Variants in SH2D3C observed in about 807,000 individuals in gnomAD.
SH2D3C encodes SH2 domain-containing protein 3C.
In SH2D3C, 25 loss-of-function variants were observed where a neutral mutation model predicts 75.2. The ratio of observed to expected loss-of-function variants is 0.33; its 90% CI spans 0.24 to 0.46. The LOEUF is 0.46. Among genes scored for constraint, SH2D3C ranks in the 20% least tolerant of loss-of-function variants. SH2D3C has a pLI of 1.00. For missense variants in SH2D3C, 933 were observed against 1,165.3 expected (o/e 0.80, Z 2.90); for synonymous variants, 450 against 473.7 (o/e 0.95, Z 0.65).
chr9:127,740,387 TGA>T lies in SH2D3C; in HGVS notation c.2089-20_2089-19del. On this transcript the variant is annotated intron_variant, in intron 9 of 11. Transcript: ENST00000314830. ...CGAGAAATCTGGGGAGGCCAAACTG[TGA>T]GAGACCAGCCAGGCAGAGGGCCTGC... 1 of 1,605,264 alleles carries T rather than the reference TGA, an allele frequency of 6.2e-7. No individual in the cohort carries two copies. Among genetic ancestry groups the T allele is most frequent in the Non-Finnish European group, 8.5e-7 (1 of 1,172,306 alleles).
At chr9:127,767,223 C>G in intron 2 of SH2D3C, 3 of 1,508,216 alleles carry the variant, frequency 2.0e-6, no homozygotes, top group Non-Finnish European at 2.6e-6. Context: ...CTTCCCAGAG[C>G]GGAGCTGAGG....
At chr9:127,765,603 C>T (rs1193276027) in intron 2 of SH2D3C, among the ~76,000 whole-genome samples, 5 of 152,166 alleles carry the variant, frequency 3.3e-5, no homozygotes, top group Non-Finnish European at 5.9e-5. Context: ...GCTCCACCCC[C>T]TGCAGCCTCA....
chr9:127,745,039 A>G lies in SH2D3C; in HGVS notation c.1325T>C (p.Val442Ala), dbSNP rs1327683388. 6.6e-7 allele frequency: 1 copy of G among 1,511,810 alleles called. No individual in the cohort carries two copies. Among genetic ancestry groups the G allele is most frequent in the Non-Finnish European group, 8.8e-7 (1 of 1,130,990 alleles). 93.6% of individuals were successfully genotyped at this position (1,511,810 alleles called of 1,614,324 possible). A position where few individuals can be genotyped will look rare whatever the true frequency, so the allele number is the denominator to read the frequency against. ...CTGGGGCTCACTGGAACGGCGGGCG[A>G]CAGGGGAGGCAGGCAATGCTGTGGC... is the stretch of plus-strand genomic sequence containing the variant. ...PSATALPASP[V>A]ARRSSEPQLC... The change falls in exon 7 of 12, where the codon GTC (valine) becomes GCC (alanine). Residue 442 changes from valine to alanine, a missense_variant. By Grantham distance (64) the Val-to-Ala change is moderately conservative. Coordinates refer to ENST00000314830, the MANE Select transcript of SH2D3C (RefSeq NM_170600.3).
intron 3 of SH2D3C, chr9:127,755,074 C>A (rs1034586851): frequency 1.1e-5 from 13 of 1,200,598 alleles, no homozygotes; most frequent in Non-Finnish European, 1.3e-5. Context: ...GAGCCGCCCC[C>A]TCACCTGCAC....
Position 127,754,919 on chromosome 9 carries a change from G to C in SH2D3C, c.556-3619C>G. 1.9e-6 allele frequency: 1 copy of C among 516,620 alleles called. No homozygotes were observed. Among genetic ancestry groups the C allele is most frequent in the South Asian group, 1.6e-5 (1 of 63,992 alleles). 32.0% of individuals were successfully genotyped at this position (516,620 alleles called of 1,614,324 possible). ...CGCCTGGGCGCCCAGAGGTGAGGCT[G>C]GGGTGACCCCGCCCCCTCCCCGGGT... On this transcript the variant is annotated intron_variant, in intron 3 of 11. Transcript: ENST00000314830. The surrounding 1 kb of genome is among the most constrained non-coding windows in gnomAD (Gnocchi z 4.4).
At position 127,738,599 on chromosome 9, in the gene SH2D3C, G is replaced by T; in HGVS notation, c.*147C>A. 1 of 799,382 alleles carries T rather than the reference G, an allele frequency of 1.3e-6. No individual in the cohort carries two copies. The highest frequency in any genetic ancestry group is 2.1e-5 in the South Asian group (1 of 48,182). The allele number at this position is 799,382 out of a possible 1,614,324, so 49.5% of individuals were successfully genotyped here. On this transcript the variant is annotated 3_prime_UTR_variant, in exon 12 of 12. Transcript: ENST00000314830. The surrounding 1 kb of genome is among the most constrained non-coding windows in gnomAD (Gnocchi z 5.0). ...TGGGATGGAACCCAGAGTCCACGCA[G>T]GACCCTGGAGGTGCAAGGGAGATGC...
chr9:127,754,962 G>C lies in SH2D3C; in HGVS notation c.556-3662C>G, dbSNP rs891836795. 3.9e-6 allele frequency: 2 copies of C among 513,796 alleles called. No individual in the cohort carries two copies. Among genetic ancestry groups the C allele is most frequent in the Non-Finnish European group, 6.2e-6 (2 of 321,436 alleles). The allele number at this position is 513,796 out of a possible 1,614,324, so 31.8% of individuals were successfully genotyped here. On this transcript the variant is annotated intron_variant, in intron 3 of 11. Transcript: ENST00000314830. This position sits in a 1 kb window ranked among gnomAD's most constrained non-coding sequence, Gnocchi z 4.4. ...CCCCGGGTCGGCCGGGCCCAGCCCA[G>C]CCCGACCCTGCCGGGCGCCGCTGAG...
chr9:127,757,624 G>T (rs1299421630), intron 3 of SH2D3C, among the ~76,000 whole-genome samples: 32 of 117,024 alleles, frequency 2.7e-4, no homozygotes, highest in African/African-American at 8.0e-4. Flanking sequence ...TGATGATGAT[G>T]ATGATGATGA....
rs1230843702 is a variant in SH2D3C, at chr9:127,774,826, A to G, written c.38-359T>C. 1.3e-5 allele frequency among the ~76,000 whole-genome samples: 2 copies of G among 152,230 alleles called. No homozygotes were observed. Among genetic ancestry groups the G allele is most frequent in the African/African-American group, 4.8e-5 (2 of 41,466 alleles). ...AAGCTTAGGCCAGGCGTGGTGGCTC[A>G]TGCCTGTAATCCCAGCACTTTGGGA... On this transcript the variant is annotated intron_variant, in intron 1 of 11. Transcript: ENST00000314830. This position sits in a 1 kb window ranked among gnomAD's most constrained non-coding sequence, Gnocchi z 4.3.
In SH2D3C at chr9:127,738,625, T is replaced by C. The variant is rs2131727262; in HGVS notation, c.*121A>G. On this transcript the variant is annotated 3_prime_UTR_variant, in exon 12 of 12. Coordinates refer to ENST00000314830, the MANE Select transcript of SH2D3C (RefSeq NM_170600.3). The surrounding 1 kb of genome is among the most constrained non-coding windows in gnomAD (Gnocchi z 5.0). ...GACCCTGGAGGTGCAAGGGAGATGC[T>C]TGAGTTGAACCCAGAACATTCTCGG... 1.8e-6 allele frequency: 2 copies of C among 1,110,256 alleles called. No homozygotes were observed. The highest frequency in any genetic ancestry group is 2.5e-6 in the Non-Finnish European group (2 of 808,618). 68.8% of individuals were successfully genotyped at this position (1,110,256 alleles called of 1,614,324 possible). A position where few individuals can be genotyped will look rare whatever the true frequency, so the allele number is the denominator to read the frequency against.
intron 2 of SH2D3C, among the ~76,000 whole-genome samples, chr9:127,772,314 G>A (rs1333509578): frequency 2.7e-5 from 4 of 149,962 alleles, no homozygotes; most frequent in African/African-American, 9.9e-5. Flanking sequence ...CGCGATCTTG[G>A]GTCACTGCAA....
At chr9:127,747,078 A>G in intron 6 of SH2D3C, 69 bp downstream of exon 6, 4 of 1,538,184 alleles carry the variant, frequency 2.6e-6, no homozygotes, top group Non-Finnish European at 3.5e-6. Flanking sequence ...ACACATAACC[A>G]CACATAGGTG....
intron 6 of SH2D3C, among the ~76,000 whole-genome samples, chr9:127,746,532 G>A (rs1387863821): frequency 2.6e-5 from 4 of 152,270 alleles, no homozygotes; most frequent in African/African-American, 9.6e-5. Context: ...GCCAGGTGCA[G>A]TGGCTCATGC....
chr9:127,742,856 G>A lies in SH2D3C; in HGVS notation c.1909C>T (p.Leu637=). The A allele has an allele frequency of 6.2e-7, 1 of 1,612,282 alleles. No homozygotes were observed. Among genetic ancestry groups the A allele is most frequent in the Non-Finnish European group, 8.5e-7 (1 of 1,179,078 alleles). ...PHGRQLRLDL[L]ERFHTMSIML... Reference sequence around the variant, plus strand: ...GTGCCGGCGCTGTCTCACCTTTCCAGCAGGTCTAGGCGTAGCTGCCGGCCA... The same window carrying A: ...GTGCCGGCGCTGTCTCACCTTTCCAACAGGTCTAGGCGTAGCTGCCGGCCA... The change falls in exon 8 of 12, where the codon CTG becomes TTG. Residue 637 remains leucine, a synonymous_variant. Coordinates refer to ENST00000314830, the MANE Select transcript of SH2D3C (RefSeq NM_170600.3).
rs769789841 is a variant in SH2D3C, at chr9:127,744,547, G to A, written c.1800+17C>T. 6 of 1,590,440 alleles carry A rather than the reference G, an allele frequency of 3.8e-6. No individual in the cohort carries two copies. In the African/African-American group the frequency reaches 8.0e-5, roughly 21 times the overall value. ...ACAGAGATGCTCCCTCCACCCCAGT[G>A]CACAGCCAGCACCTACCAGGCAGTC... On this transcript the variant is annotated intron_variant, in intron 7 of 11. Transcript: ENST00000314830.
chr9:127,749,159 C>T lies in SH2D3C; in HGVS notation c.1139+52G>A, dbSNP rs1025092375. On this transcript the variant is annotated intron_variant, in intron 5 of 11. Transcript: ENST00000314830. The surrounding 1 kb of genome is among the most constrained non-coding windows in gnomAD (Gnocchi z 5.9). Reference sequence around the variant, plus strand: ...GTGTACCTAGGCCTTCTCTTTCTCACTAGCCCTCTCATTACCCACAACCCC... The same window carrying T: ...GTGTACCTAGGCCTTCTCTTTCTCATTAGCCCTCTCATTACCCACAACCCC... 6.1e-6 allele frequency: 8 copies of T among 1,311,086 alleles called. No homozygotes were observed. Among genetic ancestry groups the T allele is most frequent in the Non-Finnish European group, 8.4e-6 (8 of 951,550 alleles). 81.2% of individuals were successfully genotyped at this position (1,311,086 alleles called of 1,614,324 possible).
chr9:127,772,713 G>A (rs1232003182), intron 2 of SH2D3C, among the ~76,000 whole-genome samples: 2 of 152,148 alleles, frequency 1.3e-5, no homozygotes, highest in East Asian at 3.8e-4. Flanking sequence ...AAGGTGGTGA[G>A]TCTAATGTGG....
At chr9:127,761,328 T>C (rs563415996) in intron 3 of SH2D3C, among the ~76,000 whole-genome samples, 38 of 152,292 alleles carry the variant, frequency 2.5e-4, no homozygotes, top group Admixed American at 2.0e-3. Flanking sequence ...GGAGACACTG[T>C]TGGGGCCCCG....
Position 127,752,110 on chromosome 9 carries a change from C to G in SH2D3C, c.556-810G>C, listed in dbSNP as rs1845219098. Among the ~76,000 whole-genome samples, 3 of 152,090 alleles carry G rather than the reference C, an allele frequency of 2.0e-5. No individual in the cohort carries two copies. The South Asian group carries it at 6.2e-4, about 32-fold the overall frequency. On this transcript the variant is annotated intron_variant, in intron 3 of 11. Coordinates refer to ENST00000314830, the MANE Select transcript of SH2D3C (RefSeq NM_170600.3). ...ACCCTCCCACCTGGCCCAGAAACTC[C>G]TGGTTTCTTGATTACTGTGGCCTGA...
Sources: allele counts gnomAD v4.1 joint callset (sites outside exome capture counted in the v4.1 genomes callset), GRCh38; gene constraint gnomAD v4.1.1; non-coding constraint Gnocchi (gnomAD v3.1); transcripts MANE v1.5; gene names NCBI Gene and HGNC (gene_info 2026-07-23, HGNC 2026-07-21).